Variants in EYS observed in about 807,000 individuals in gnomAD.
The protein encoded by EYS is protein eyes shut homolog.
EYS carries 250 observed loss-of-function variants against 282.1 expected under a neutral mutation model. The observed-to-expected ratio is 0.89, with a 90% CI of 0.80 to 0.98. The LOEUF is 0.98. Ranked by LOEUF, EYS falls within the 50% of genes least tolerant of loss-of-function variation. The pLI, the probability that EYS is intolerant of heterozygous loss-of-function variation, is 0.00. For synonymous variants in EYS, 1,355 were observed against 1,282.9 expected (o/e 1.06, Z -1.20); for missense variants, 4,016 against 3,709.0 (o/e 1.08, Z -2.15).
At chr6:63,796,490 A>G (rs1770647977) in intron 37 of EYS, among the ~76,000 whole-genome samples, 1 of 152,204 alleles carries the variant, frequency 6.6e-6, no homozygotes, top group African/African-American at 2.4e-5. Context: ...CAGTCTTTTA[A>G]TTCCAATAGA....
chr6:64,261,431 C>T (rs1456550589), intron 30 of EYS, among the ~76,000 whole-genome samples: 2 of 152,036 alleles, frequency 1.3e-5, no homozygotes, highest in Non-Finnish European at 2.9e-5. Context: ...AAAAACTTTA[C>T]TTTGTATTTA....
intron 12 of EYS, among the ~76,000 whole-genome samples, chr6:65,065,520 C>G (rs1773719164): frequency 6.6e-6 from 1 of 151,450 alleles, no homozygotes; most frequent in Non-Finnish European, 1.5e-5. Context: ...GTAGCTGGGA[C>G]TACAGGTGCC....
chr6:65,086,507 A>T (rs1774380260), intron 12 of EYS, among the ~76,000 whole-genome samples: 1 of 152,188 alleles, frequency 6.6e-6, no homozygotes, highest in Admixed American at 6.5e-5. Context: ...CAAAACAGAA[A>T]ATACAAATGG....
intron 10 of EYS, among the ~76,000 whole-genome samples, chr6:65,340,441 T>C (rs1770156195): frequency 6.6e-6 from 1 of 151,212 alleles, no homozygotes; most frequent in Non-Finnish European, 1.5e-5. Flanking sequence ...TTTCCCATCA[T>C]AAGTTTCAAA....
intron 26 of EYS, among the ~76,000 whole-genome samples, chr6:64,519,530 T>C (rs1326885737): frequency 6.6e-6 from 1 of 151,836 alleles, no homozygotes; most frequent in Non-Finnish European, 1.5e-5. Context: ...TGTGACTTTG[T>C]GTACCTCACT....
intron 8 of EYS, among the ~76,000 whole-genome samples, chr6:65,376,580 G>C (rs191221461): frequency 7.2e-5 from 11 of 152,204 alleles, no homozygotes; most frequent in Non-Finnish European, 7.4e-5. Context: ...ACACAGAATG[G>C]CAAGTTGGAT....
At chr6:65,627,901 C>G (rs1246793445) in intron 2 of EYS, among the ~76,000 whole-genome samples, 1 of 152,244 alleles carries the variant, frequency 6.6e-6, no homozygotes, top group South Asian at 2.1e-4. Flanking sequence ...CCAGTCCCAT[C>G]GACCACCCAA....
rs752743873 is a variant in EYS at position 65,144,769 on chromosome 6, C to CTT, written c.2024-87044_2024-87043dup. 1.0e-4 allele frequency among the ~76,000 whole-genome samples: 15 copies of CTT among 144,844 alleles called. No individual in the cohort carries two copies. The South Asian group carries it at 2.0e-3, about 19-fold the overall frequency. On this transcript the variant is annotated intron_variant, in intron 12 of 42. Transcript: ENST00000503581. ...GTTATTTTACCCATTAGTTTACTTACTTTTTTTTTTTTTGAGATGGAGTCT... is the reference window on the plus strand; with the variant it reads ...GTTATTTTACCCATTAGTTTACTTACTTTTTTTTTTTTTTTGAGATGGAGTCT...
At chr6:65,537,659 G>A (rs555395404) in intron 2 of EYS, among the ~76,000 whole-genome samples, 1 of 152,204 alleles carries the variant, frequency 6.6e-6, no homozygotes, top group Admixed American at 6.6e-5. Flanking sequence ...TAAAGAAACA[G>A]ACACTGAAGA....
At chr6:64,727,872 G>T (rs1473225980) in intron 22 of EYS, among the ~76,000 whole-genome samples, 2 of 152,164 alleles carry the variant, frequency 1.3e-5, no homozygotes, top group Non-Finnish European at 2.9e-5. Context: ...TAAGTACTTT[G>T]TCCAAAACAA....
intron 22 of EYS, among the ~76,000 whole-genome samples, chr6:64,689,788 G>A (rs1014422772): frequency 1.1e-4 from 17 of 152,054 alleles, no homozygotes; most frequent in African/African-American, 3.9e-4. Flanking sequence ...AGAAAGCTGA[G>A]ACTGGATCCC....
intron 31 of EYS, among the ~76,000 whole-genome samples, chr6:64,203,373 T>C (rs375529490): frequency 2.0e-5 from 3 of 152,264 alleles, no homozygotes; most frequent in South Asian, 4.1e-4. Context: ...TGAGAATCAG[T>C]GCCTTGGATG....
chr6:63,744,728 C>T (rs148535946), intron 41 of EYS: 1,833 of 175,356 alleles, frequency 0.01, 31 homozygotes, highest in African/African-American at 0.042. Flanking sequence ...CCACTACACC[C>T]GGCTAATTTT....
At chr6:64,234,924 G>T (rs1185910664) in intron 30 of EYS, among the ~76,000 whole-genome samples, 2 of 151,480 alleles carry the variant, frequency 1.3e-5, no homozygotes, top group African/African-American at 4.8e-5. Flanking sequence ...TGTCACCCAG[G>T]CTGGAGTGTA....
chr6:64,986,022 A>G (rs1267062421), intron 14 of EYS, among the ~76,000 whole-genome samples: 4 of 151,434 alleles, frequency 2.6e-5, no homozygotes, highest in Non-Finnish European at 4.4e-5. Context: ...CCAAGTTTTG[A>G]TTTATCATTA....
chr6:64,795,212 G>C (rs1562195678), intron 22 of EYS, among the ~76,000 whole-genome samples: 1 of 148,520 alleles, frequency 6.7e-6, no homozygotes, highest in Admixed American at 6.9e-5. Context: ...TCCAGCATGG[G>C]TAACAAGAGC....
chr6:65,390,405 T>C (rs1275187684), intron 7 of EYS, among the ~76,000 whole-genome samples: 3 of 151,110 alleles, frequency 2.0e-5, no homozygotes, highest in South Asian at 2.1e-4. Context: ...AGGATACAGC[T>C]GCTGGCTAGG....
At chr6:65,328,017 G>T (rs61075019) in intron 11 of EYS, among the ~76,000 whole-genome samples, 6,946 of 151,434 alleles carry the variant, frequency 0.046, 219 homozygotes, top group South Asian at 0.08. Context: ...ATGCCAATAT[G>T]TGACATGAAA....
chr6:64,020,805 A>G (rs1404970259), intron 33 of EYS, among the ~76,000 whole-genome samples: 1 of 152,172 alleles, frequency 6.6e-6, no homozygotes, highest in African/African-American at 2.4e-5. Flanking sequence ...ATGCTAGATA[A>G]TGTCCTAATC....
Sources: gnomAD v4.1 joint callset for allele counts (sites outside exome capture counted in the v4.1 genomes callset) on GRCh38, gnomAD v4.1.1 for gene constraint, MANE v1.5 for transcripts, NCBI Gene and HGNC (gene_info 2026-07-23, HGNC 2026-07-21) for gene names.